Variants in RSRC1 observed in about 807,000 individuals in gnomAD.
RSRC1 encodes the protein arginine and serine rich coiled-coil 1.
A neutral mutation model predicts 49.1 loss-of-function variants in RSRC1; 39 were observed. The observed-to-expected ratio is 0.79, with a 90% CI of 0.61 to 1.04. The LOEUF is 1.04. Among genes scored for constraint, RSRC1 ranks in the 50% least tolerant of loss-of-function variants. RSRC1 has a pLI of 0.00. For missense variants in RSRC1, 388 were observed against 402.4 expected (o/e 0.96, Z 0.31); for synonymous variants, 143 against 130.8 (o/e 1.09, Z -0.63).
intron 3 of RSRC1, among the ~76,000 whole-genome samples, chr3:158,177,550 C>T (rs896827399): frequency 2.7e-4 from 41 of 151,772 alleles, no homozygotes; most frequent in African/African-American, 9.9e-4. Flanking sequence ...GGACAGAAAA[C>T]CAAACACCGT....
intron 5 of RSRC1, among the ~76,000 whole-genome samples, chr3:158,315,197 T>C (rs931604840): frequency 2.0e-5 from 3 of 152,158 alleles, no homozygotes; most frequent in Non-Finnish European, 4.4e-5. Flanking sequence ...AATGGATGGT[T>C]ACATGGATGG....
In RSRC1 at chr3:158,243,515, C is replaced by T. The variant is rs529116874; in HGVS notation, c.494+40270C>T. Among the ~76,000 whole-genome samples, 13 of 152,158 alleles carry T rather than the reference C, an allele frequency of 8.5e-5. No individual in the cohort carries two copies. The East Asian group carries it at 2.5e-3, about 29-fold the overall frequency. On this transcript the variant is annotated intron_variant, in intron 4 of 9. Transcript: ENST00000611884. ...GCTTTGTTCTTTTTGCTTAGGATTG[C>T]CTTGGCTATTGCAGCTTTTTTTGCT...
At chr3:158,376,897 T>C (rs1221055955) in intron 6 of RSRC1, among the ~76,000 whole-genome samples, 1 of 152,144 alleles carries the variant, frequency 6.6e-6, no homozygotes, top group Non-Finnish European at 1.5e-5. Context: ...ATACAGTGTT[T>C]GTTGGCAAAT....
At chr3:158,542,685 T>C (rs899548435) in intron 8 of RSRC1, among the ~76,000 whole-genome samples, 1 of 152,206 alleles carries the variant, frequency 6.6e-6, no homozygotes, top group Non-Finnish European at 1.5e-5. Context: ...GAATGGGGAA[T>C]GATTGCTAAT....
At chr3:158,284,484 G>T (rs1159410576) in intron 4 of RSRC1, among the ~76,000 whole-genome samples, 1 of 149,298 alleles carries the variant, frequency 6.7e-6, no homozygotes, top group Non-Finnish European at 1.5e-5. Flanking sequence ...TTCCACCATG[G>T]TTGAACTAGT....
At chr3:158,472,401 G>A (rs1233225647) in intron 7 of RSRC1, among the ~76,000 whole-genome samples, 2 of 151,480 alleles carry the variant, frequency 1.3e-5, no homozygotes, top group Non-Finnish European at 2.9e-5. Flanking sequence ...CTTTGCAGTC[G>A]AGTACACATA....
At chr3:158,293,306 A>G (rs1171157730) in intron 4 of RSRC1, among the ~76,000 whole-genome samples, 1 of 152,046 alleles carries the variant, frequency 6.6e-6, no homozygotes, top group East Asian at 1.9e-4. Flanking sequence ...GTACGTACGT[A>G]CATATGTATG....
At chr3:158,152,162 T>A (rs1446298626) in intron 3 of RSRC1, among the ~76,000 whole-genome samples, 1 of 152,174 alleles carries the variant, frequency 6.6e-6, no homozygotes, top group Non-Finnish European at 1.5e-5. Context: ...CTGGACTCTG[T>A]TTCTCTTATT....
intron 5 of RSRC1, among the ~76,000 whole-genome samples, chr3:158,324,235 A>T (rs1267045590): frequency 2.0e-5 from 3 of 150,918 alleles, no homozygotes; most frequent in Admixed American, 6.6e-5. Flanking sequence ...CATTGTGCAA[A>T]TTTTTTTTTT....
chr3:158,253,160 G>T (rs761926591), intron 4 of RSRC1, among the ~76,000 whole-genome samples: 3 of 151,548 alleles, frequency 2.0e-5, no homozygotes, highest in Admixed American at 6.6e-5. Flanking sequence ...ATGATGTATC[G>T]CTGGCTTGTT....
intron 4 of RSRC1, among the ~76,000 whole-genome samples, chr3:158,274,410 T>G (rs960222406): frequency 1.3e-5 from 2 of 152,086 alleles, no homozygotes; most frequent in Non-Finnish European, 2.9e-5. Flanking sequence ...ATTTATTCCT[T>G]TAGTTGAACA....
chr3:158,366,773 A>G (rs1424164975), intron 6 of RSRC1, among the ~76,000 whole-genome samples: 1 of 152,114 alleles, frequency 6.6e-6, no homozygotes, highest in Non-Finnish European at 1.5e-5. Context: ...GATTCTTCCT[A>G]TCCATGAGCA....
chr3:158,241,655 A>G (rs1723587164), intron 4 of RSRC1, among the ~76,000 whole-genome samples: 2 of 152,138 alleles, frequency 1.3e-5, no homozygotes, highest in Admixed American at 6.5e-5. Flanking sequence ...AATGTTAAAC[A>G]TGCTGTATCA....
At chr3:158,316,107 G>A (rs1021708535) in intron 5 of RSRC1, among the ~76,000 whole-genome samples, 19 of 152,110 alleles carry the variant, frequency 1.2e-4, no homozygotes, top group African/African-American at 4.6e-4. Context: ...AGGAGGTGGA[G>A]GTTGCAGTGA....
intron 3 of RSRC1, among the ~76,000 whole-genome samples, chr3:158,196,055 G>C (rs932425964): frequency 8.5e-5 from 13 of 152,106 alleles, no homozygotes; most frequent in African/African-American, 3.1e-4. Context: ...GTAACTTGAT[G>C]GGGATGGCAT....
chr3:158,113,439 G>GCTTACTGCAAC (rs1183118882), intron 1 of RSRC1, among the ~76,000 whole-genome samples: 1 of 151,138 alleles, frequency 6.6e-6, no homozygotes, highest in African/African-American at 2.4e-5. Context: ...TGCGATCTCG[G>GCTTACTGCAAC]CTTACTGCAA....
At chr3:158,192,104 C>A (rs1434288810) in intron 3 of RSRC1, among the ~76,000 whole-genome samples, 1 of 151,766 alleles carries the variant, frequency 6.6e-6, no homozygotes, top group African/African-American at 2.4e-5. Context: ...TTGCTACTTG[C>A]AATCTATAAG....
chr3:158,276,676 A>G (rs572917369), intron 4 of RSRC1, among the ~76,000 whole-genome samples: 2 of 152,252 alleles, frequency 1.3e-5, no homozygotes, highest in South Asian at 4.1e-4. Context: ...CCTAAAATTA[A>G]TACAATATTA....
chr3:158,479,729 A>G (rs1379262390), intron 7 of RSRC1, among the ~76,000 whole-genome samples: 1 of 152,050 alleles, frequency 6.6e-6, no homozygotes, highest in Non-Finnish European at 1.5e-5. Flanking sequence ...GCATTTTTGT[A>G]ATAAATAGCA....
Sources: allele counts gnomAD v4.1 joint callset (sites outside exome capture counted in the v4.1 genomes callset), GRCh38; gene constraint gnomAD v4.1.1; transcripts MANE v1.5; gene names NCBI Gene and HGNC (gene_info 2026-07-23, HGNC 2026-07-21).